The following HMCN1 variants were observed in gnomAD, a reference collection of about 807,000 sequenced individuals.
The protein encoded by HMCN1 is hemicentin 1, also known as hemicentin-1.
In HMCN1, 321 loss-of-function variants were observed where a neutral mutation model predicts 625.9. The ratio of observed to expected loss-of-function variants is 0.51; its 90% CI spans 0.47 to 0.56. The LOEUF is 0.56. Among genes scored for constraint, HMCN1 ranks in the 20% least tolerant of loss-of-function variants. The pLI, the probability that HMCN1 is intolerant of heterozygous loss-of-function variation, is 0.00. For synonymous variants in HMCN1, 2,425 were observed against 2,417.6 expected (o/e 1.00, Z -0.09); for missense variants, 6,588 against 6,887.3 (o/e 0.96, Z 1.54).
At chr1:186,117,376 G>A in intron 76 of HMCN1, 83 bp from the exon 77 acceptor site, 2 of 1,480,650 alleles carry the variant, frequency 1.4e-6, no homozygotes, top group African/African-American at 2.8e-5. Flanking sequence ...AGAGCAAAAA[G>A]AGGATGTATG....
intron 4 of HMCN1, among the ~76,000 whole-genome samples, chr1:185,895,597 T>C (rs1349235271): frequency 6.6e-6 from 1 of 152,248 alleles, no homozygotes; most frequent in Non-Finnish European, 1.5e-5. Context: ...CCCTTCTGTC[T>C]GTCACAATGT....
At chr1:185,754,804 T>C (rs1402203915) in intron 1 of HMCN1, among the ~76,000 whole-genome samples, 2 of 151,922 alleles carry the variant, frequency 1.3e-5, no homozygotes, top group African/African-American at 4.8e-5. Flanking sequence ...GCCATAATTG[T>C]GGCATTGTAC....
chr1:186,168,886 T>A (rs1470793724), intron 100 of HMCN1, among the ~76,000 whole-genome samples: 2 of 152,070 alleles, frequency 1.3e-5, no homozygotes, highest in Non-Finnish European at 2.9e-5. Context: ...CTACATTAGG[T>A]ATTTCTCCTA....
Position 186,001,321 on chromosome 1 carries a change from G to C in HMCN1, c.4093G>C (p.Glu1365Gln), listed in dbSNP as rs1330051971. ...VHVPPVIKDK[E>Q]QVTNVSVLLN... Reference sequence around the variant, plus strand: ...AGTTCCTCCAGTAATTAAAGATAAAGAACAAGTTACAAATGTGTCGGTGTT... The same window carrying C: ...AGTTCCTCCAGTAATTAAAGATAAACAACAAGTTACAAATGTGTCGGTGTT... The change falls in exon 27 of 107, where the codon GAA (glutamate) becomes CAA (glutamine). Residue 1365 changes from glutamate (E) to glutamine (Q), a missense_variant. Coordinates refer to ENST00000271588, the MANE Select transcript of HMCN1 (RefSeq NM_031935.3). The C allele has an allele frequency of 6.2e-7, 1 of 1,611,776 alleles. No individual in the cohort carries two copies. Among genetic ancestry groups the C allele is most frequent in the Non-Finnish European group, 8.5e-7 (1 of 1,178,412 alleles).
At chr1:185,785,264 G>A (rs1657482262) in intron 1 of HMCN1, among the ~76,000 whole-genome samples, 2 of 152,110 alleles carry the variant, frequency 1.3e-5, no homozygotes, top group Admixed American at 1.3e-4. Context: ...GGAAAATTTG[G>A]GATTTTGTCC....
intron 4 of HMCN1, among the ~76,000 whole-genome samples, chr1:185,890,041 G>A (rs1054215815): frequency 4.0e-5 from 6 of 151,716 alleles, no homozygotes; most frequent in African/African-American, 1.2e-4. Flanking sequence ...AGTCTTGGGA[G>A]AGTGTATGTG....
At chr1:186,013,501 T>C (rs1232696804) in intron 30 of HMCN1, among the ~76,000 whole-genome samples, 1 of 152,160 alleles carries the variant, frequency 6.6e-6, no homozygotes, top group South Asian at 2.1e-4. Context: ...GGACTAGTTC[T>C]AAGAATGATT....
chr1:185,971,250 G>A (rs2101972092), intron 15 of HMCN1, among the ~76,000 whole-genome samples: 2 of 152,302 alleles, frequency 1.3e-5, no homozygotes, highest in South Asian at 4.1e-4. Context: ...GTATCAGATT[G>A]TGCTTTTACT....
intron 25 of HMCN1, 138 bp from the exon 26 acceptor site, chr1:185,999,907 A>G: frequency 1.6e-6 from 1 of 622,626 alleles, no homozygotes; most frequent in Non-Finnish European, 2.8e-6. Flanking sequence ...TGCCAGGAGA[A>G]ATATCTTGAA....
intron 1 of HMCN1, among the ~76,000 whole-genome samples, chr1:185,800,836 T>C (rs1658745698): frequency 6.6e-6 from 1 of 152,218 alleles, no homozygotes; most frequent in African/African-American, 2.4e-5. Flanking sequence ...ATTTCTTCTG[T>C]CTTATATTTG....
At chr1:186,016,545 T>G (rs1258716992) in intron 32 of HMCN1, among the ~76,000 whole-genome samples, 1 of 152,072 alleles carries the variant, frequency 6.6e-6, no homozygotes, top group Non-Finnish European at 1.5e-5. Flanking sequence ...TCATAAGCAT[T>G]GTGCCAGATA....
At chr1:186,088,577 G>T (rs1201997388) in intron 62 of HMCN1, 29 bp from the exon 63 acceptor site, 2 of 1,605,742 alleles carry the variant, frequency 1.2e-6, no homozygotes, top group Non-Finnish European at 1.7e-6. Flanking sequence ...GTTTTTTTAT[G>T]TTTTATTGTG....
chr1:185,750,370 T>C (rs1172581491), intron 1 of HMCN1, among the ~76,000 whole-genome samples: 1 of 152,234 alleles, frequency 6.6e-6, no homozygotes, highest in Non-Finnish European at 1.5e-5. Flanking sequence ...ATTCTCTTTA[T>C]CAGTTATTGT....
At chr1:185,842,166 G>A (rs1024583742) in intron 1 of HMCN1, among the ~76,000 whole-genome samples, 2 of 152,074 alleles carry the variant, frequency 1.3e-5, no homozygotes, top group African/African-American at 4.8e-5. Flanking sequence ...TATCTCACTA[G>A]ACTGGTGAGA....
In HMCN1 at chr1:186,087,616, G is replaced by A; in HGVS notation, c.9334G>A (p.Gly3112Arg). The change falls in exon 60 of 107, where the codon GGA (glycine) becomes AGA (arginine). Residue 3112 changes from glycine to arginine, a missense_variant. Gly to Arg is a moderately radical substitution (Grantham distance 125). Around this residue, in one of 3 missense-constraint regions of HMCN1, gnomAD observed 4,628 missense variants for 4,853.1 expected, o/e 0.95. Transcript: ENST00000271588. Reference sequence around the variant, plus strand: ...TACTCATGTGGAGATTTTAGCTGATGGACAAATGCTACACATTAAGAAAGC... The same window carrying A: ...TACTCATGTGGAGATTTTAGCTGATAGACAAATGCTACACATTAAGAAAGC... ...ESTHVEILAD[G>R]QMLHIKKAEV... 1 of 1,613,132 alleles carries A rather than the reference G, an allele frequency of 6.2e-7. No individual in the cohort carries two copies. Among genetic ancestry groups the A allele is most frequent in the South Asian group, 1.1e-5 (1 of 91,062 alleles).
intron 1 of HMCN1, among the ~76,000 whole-genome samples, chr1:185,788,085 T>C (rs1657747535): frequency 6.6e-6 from 1 of 152,228 alleles, no homozygotes. Context: ...CAAATTAAAT[T>C]ACATTTATTT....
chr1:185,747,042 C>A (rs1571297792), intron 1 of HMCN1, among the ~76,000 whole-genome samples: 1 of 151,750 alleles, frequency 6.6e-6, no homozygotes, highest in East Asian at 1.9e-4. Context: ...GAGGATAGGA[C>A]TTTAACATAT....
chr1:185,985,613 A>G (rs35875123), intron 19 of HMCN1, among the ~76,000 whole-genome samples: 4,096 of 152,322 alleles, frequency 0.027, 102 homozygotes, highest in African/African-American at 0.06. Context: ...CACAAAATTC[A>G]TTTGTCCATT....
chr1:185,959,772 T>C (rs368499483), intron 11 of HMCN1, among the ~76,000 whole-genome samples: 13 of 151,978 alleles, frequency 8.6e-5, no homozygotes, highest in African/African-American at 3.1e-4. Context: ...CCAACATTAG[T>C]ACTATTTTTT....
Sources: allele counts gnomAD v4.1 joint callset (sites outside exome capture counted in the v4.1 genomes callset), GRCh38; gene constraint gnomAD v4.1.1; regional missense constraint gnomAD v4.1.1; transcripts MANE v1.5; gene names NCBI Gene and HGNC (gene_info 2026-07-23, HGNC 2026-07-21).